The following SNTG2 variants were observed in gnomAD, a reference collection of about 807,000 sequenced individuals.
The protein encoded by SNTG2 is gamma-2-syntrophin.
In SNTG2, 74 loss-of-function variants were observed where a neutral mutation model predicts 70.9. The ratio of observed to expected loss-of-function variants is 1.04; its 90% CI spans 0.86 to 1.27. SNTG2 has a LOEUF of 1.27. Ranked by LOEUF, SNTG2 falls within the 50% of genes most tolerant of loss-of-function variation. The probability of loss-of-function intolerance (pLI) is 0.00; values close to 1 mark genes in which losing one functional copy is unlikely to be tolerated. For synonymous variants in SNTG2, 278 were observed against 273.8 expected (o/e 1.02, Z -0.15); for missense variants, 717 against 690.7 (o/e 1.04, Z -0.43).
At chr2:1,248,296 C>A (rs1229945297) in intron 12 of SNTG2, among the ~76,000 whole-genome samples, 1 of 152,228 alleles carries the variant, frequency 6.6e-6, no homozygotes, top group Admixed American at 6.5e-5. Flanking sequence ...AGAGCCCCGT[C>A]TGCCTCCACT....
intron 4 of SNTG2, among the ~76,000 whole-genome samples, chr2:1,121,168 G>T (rs1273534173): frequency 6.6e-6 from 1 of 151,862 alleles, no homozygotes; most frequent in East Asian, 1.9e-4. Context: ...GTCACAGAAG[G>T]AATCAAAAGT....
chr2:1,206,387 G>C (rs1218286458), intron 8 of SNTG2, among the ~76,000 whole-genome samples: 4 of 152,174 alleles, frequency 2.6e-5, no homozygotes, highest in African/African-American at 9.7e-5. Context: ...GTGCCAGCTT[G>C]TGACTGCAGA....
At chr2:1,027,478 A>G (rs1295860279) in intron 1 of SNTG2, among the ~76,000 whole-genome samples, 1 of 150,682 alleles carries the variant, frequency 6.6e-6, no homozygotes, top group Non-Finnish European at 1.5e-5. Flanking sequence ...TCTGTTGAGT[A>G]AAGAGATAAG....
At chr2:1,299,980 A>AGT (rs1196929137) in intron 14 of SNTG2, among the ~76,000 whole-genome samples, 2 of 83,894 alleles carry the variant, frequency 2.4e-5, no homozygotes, top group Non-Finnish European at 4.8e-5. Context: ...AAATGAGGGC[A>AGT]CTTACCATCA....
At chr2:1,136,727 A>T (rs1283013008) in intron 4 of SNTG2, among the ~76,000 whole-genome samples, 1 of 152,206 alleles carries the variant, frequency 6.6e-6, no homozygotes, top group Non-Finnish European at 1.5e-5. Flanking sequence ...AAAAAGCCTT[A>T]GCTTTTGTGC....
intron 1 of SNTG2, among the ~76,000 whole-genome samples, chr2:981,488 T>G (rs546123048): frequency 6.7e-6 from 1 of 149,888 alleles, no homozygotes; most frequent in Non-Finnish European, 1.5e-5. Context: ...TGCACATGAG[T>G]GCACATGTGT....
intron 9 of SNTG2, among the ~76,000 whole-genome samples, chr2:1,235,914 CTG>C (rs1462888268): frequency 6.6e-6 from 1 of 152,170 alleles, no homozygotes; most frequent in Non-Finnish European, 1.5e-5. Context: ...GAATACATGA[CTG>C]TTTATCGAGG....
intron 1 of SNTG2, among the ~76,000 whole-genome samples, chr2:1,071,240 T>C (rs1663520520): frequency 6.6e-6 from 1 of 151,270 alleles, no homozygotes; most frequent in Non-Finnish European, 1.5e-5. Flanking sequence ...AGCAAAGACT[T>C]GGAACCAACC....
chr2:1,301,085 A>C (rs1680438269), intron 14 of SNTG2, among the ~76,000 whole-genome samples: 1 of 152,006 alleles, frequency 6.6e-6, no homozygotes. Flanking sequence ...AGACCTGCCG[A>C]GCTCTCACAG....
rs185654827 is a variant in SNTG2 at position 1,259,269 on chromosome 2, A to T, written c.1006-101A>T. The T allele has an allele frequency of 1.6e-4, 150 of 964,704 alleles. No individual in the cohort carries two copies. The African/African-American group carries it at 2.2e-3, about 14-fold the overall frequency. 59.8% of individuals were successfully genotyped at this position (964,704 alleles called of 1,614,324 possible). Reference sequence around the variant, plus strand: ...TTATACTAATGGGGCTTAGGATTTAATTGAGGTGGACACACATGCAGTCAC... The same window carrying T: ...TTATACTAATGGGGCTTAGGATTTATTTGAGGTGGACACACATGCAGTCAC... On this transcript the variant is annotated intron_variant, in intron 12 of 16. Transcript: ENST00000308624.
intron 14 of SNTG2, among the ~76,000 whole-genome samples, chr2:1,306,683 T>TGA (rs1452020202): frequency 2.8e-4 from 30 of 106,314 alleles, no homozygotes; most frequent in African/African-American, 1.0e-3. Flanking sequence ...GGCCAGGGTG[T>TGA]GAGTGTGTGT....
chr2:1,132,805 C>T (rs1013967692), intron 4 of SNTG2, among the ~76,000 whole-genome samples: 3 of 152,198 alleles, frequency 2.0e-5, no homozygotes, highest in African/African-American at 7.2e-5. Flanking sequence ...CACCCTCCCT[C>T]CAGTTTTAGA....
intron 1 of SNTG2, among the ~76,000 whole-genome samples, chr2:1,007,913 C>G (rs990609069): frequency 1.3e-5 from 2 of 152,154 alleles, no homozygotes; most frequent in African/African-American, 4.8e-5. Flanking sequence ...TGCCACTGCA[C>G]CTGGTTAATT....
At chr2:1,336,189 A>C (rs570983587) in intron 16 of SNTG2, among the ~76,000 whole-genome samples, 2 of 151,474 alleles carry the variant, frequency 1.3e-5, no homozygotes, top group Non-Finnish European at 2.9e-5. Flanking sequence ...GTCAATTTCC[A>C]ATTCTCCCCA....
At chr2:1,229,511 A>G (rs1009926169) in intron 9 of SNTG2, among the ~76,000 whole-genome samples, 4 of 152,262 alleles carry the variant, frequency 2.6e-5, no homozygotes, top group African/African-American at 9.6e-5. Flanking sequence ...AGTCCCCACC[A>G]GACTCAGGAG....
chr2:1,297,168 A>G (rs761157148), intron 14 of SNTG2, among the ~76,000 whole-genome samples: 79 of 152,284 alleles, frequency 5.2e-4, no homozygotes, highest in Non-Finnish European at 1.0e-3. Flanking sequence ...TAATGCCCCC[A>G]CTGCCAGCCT....
intron 4 of SNTG2, among the ~76,000 whole-genome samples, chr2:1,113,757 C>G (rs1051976811): frequency 6.8e-5 from 10 of 147,054 alleles, no homozygotes; most frequent in Non-Finnish European, 1.3e-4. Flanking sequence ...ATGGTGTGTA[C>G]TAAGTGAAAT....
At position 1,203,663 on chromosome 2, in the gene SNTG2, C is replaced by CA. The variant is rs201271605; in HGVS notation, c.592-5429dup. 8.8e-3 allele frequency among the ~76,000 whole-genome samples: 995 copies of CA among 113,024 alleles called. 9 individuals are homozygous for CA. The highest frequency in any genetic ancestry group is 0.028 in the African/African-American group (780 of 28,272). The allele number at this position is 113,024 out of a possible 152,430, so 74.1% of individuals were successfully genotyped here. The stretch of plus-strand genomic sequence containing the variant: ...AGTGAGACCTTGTCTCAAAAACAAA[C>CA]AAAAAAAAAAATATATATATATATA... On this transcript the variant is annotated intron_variant, in intron 8 of 16. Transcript: ENST00000308624.
intron 14 of SNTG2, among the ~76,000 whole-genome samples, chr2:1,298,555 T>G (rs540304693): frequency 1.7e-3 from 260 of 152,276 alleles, no homozygotes; most frequent in Admixed American, 4.6e-3. Flanking sequence ...CCTCCCCCGG[T>G]CCTGGATGGT....
Sources: allele counts gnomAD v4.1 joint callset (sites outside exome capture counted in the v4.1 genomes callset), GRCh38; gene constraint gnomAD v4.1.1; transcripts MANE v1.5; gene names NCBI Gene and HGNC (gene_info 2026-07-23, HGNC 2026-07-21).